SSPN: variants seen among roughly 807,000 people sequenced by gnomAD.
SSPN encodes the protein K-ras oncogene-associated protein.
SSPN carries 15 observed loss-of-function variants against 19.1 expected under a neutral mutation model. The observed-to-expected ratio is 0.78, with a 90% CI of 0.52 to 1.21. SSPN has a LOEUF of 1.21. Among genes scored for constraint, SSPN ranks in the 50% most tolerant of loss-of-function variants. SSPN has a pLI of 0.00. For missense variants in SSPN, 291 were observed against 314.0 expected, an observed-to-expected ratio of 0.93 and a Z score of 0.55; for synonymous variants, 147 against 140.3, an observed-to-expected ratio of 1.05 and a Z score of -0.34.
At chr12:26,122,340 A>T in intron 1 of SSPN, 1 of 1,123,596 alleles carries the variant, frequency 8.9e-7, no homozygotes, top group Non-Finnish European at 1.1e-6. Flanking sequence ...CGGGGCGGGG[A>T]TGCCGGGGTA....
intron 1 of SSPN, among the ~76,000 whole-genome samples, chr12:26,153,399 T>C (rs1944537477): frequency 6.6e-6 from 1 of 152,186 alleles, no homozygotes; most frequent in South Asian, 2.1e-4. Flanking sequence ...CCTATCACTG[T>C]CTAAGAGTAT....
intron 1 of SSPN, among the ~76,000 whole-genome samples, chr12:26,172,008 T>C (rs1204920023): frequency 2.0e-5 from 3 of 152,194 alleles, no homozygotes; most frequent in Admixed American, 6.5e-5. Flanking sequence ...GCCTCCTAGG[T>C]GTAGACCATA....
chr12:26,143,807 C>T (rs1296159733), intron 1 of SSPN, among the ~76,000 whole-genome samples: 1 of 152,230 alleles, frequency 6.6e-6, no homozygotes, highest in African/African-American at 2.4e-5. Context: ...TCTGTATTTA[C>T]AGCTGCTCCC....
intron 1 of SSPN, among the ~76,000 whole-genome samples, chr12:26,150,772 T>G (rs535631091): frequency 4.6e-5 from 7 of 152,026 alleles, no homozygotes; most frequent in Non-Finnish European, 7.4e-5. Context: ...AGGCTTTTGA[T>G]TTTTTTAGCC....
chr12:26,198,330 G>C (rs1006685976), intron 1 of SSPN, among the ~76,000 whole-genome samples: 1 of 152,198 alleles, frequency 6.6e-6, no homozygotes, highest in African/African-American at 2.4e-5. Flanking sequence ...CACCTAACTT[G>C]TGTGCCAAAT....
chr12:26,224,925 C>T (rs1945161866), intron 2 of SSPN, among the ~76,000 whole-genome samples: 1 of 152,062 alleles, frequency 6.6e-6, no homozygotes, highest in Non-Finnish European at 1.5e-5. Context: ...AGGGACAGTG[C>T]ATTTGGCTGG....
chr12:26,183,607 A>G (rs1465885818), intron 1 of SSPN, among the ~76,000 whole-genome samples: 2 of 152,226 alleles, frequency 1.3e-5, no homozygotes, highest in African/African-American at 2.4e-5. Context: ...TTAGAATTCA[A>G]TCTCTAGCCA....
At chr12:26,182,280 A>G (rs915563093) in intron 1 of SSPN, among the ~76,000 whole-genome samples, 2 of 152,230 alleles carry the variant, frequency 1.3e-5, no homozygotes, top group African/African-American at 2.4e-5. Flanking sequence ...AGTGGATAAC[A>G]GAAGATGAGG....
At chr12:26,161,053 A>G (rs1944585288) in intron 1 of SSPN, among the ~76,000 whole-genome samples, 2 of 146,432 alleles carry the variant, frequency 1.4e-5, no homozygotes, top group African/African-American at 2.5e-5. Flanking sequence ...GGTTGCAGTG[A>G]GCTGAGACTG....
chr12:26,128,700 A>T (rs1944380625), intron 1 of SSPN, among the ~76,000 whole-genome samples: 1 of 152,266 alleles, frequency 6.6e-6, no homozygotes, highest in Non-Finnish European at 1.5e-5. Flanking sequence ...CTGAAAGCCA[A>T]GAAGATACAA....
chr12:26,122,921 G>A (rs1306954687), intron 1 of SSPN: 1 of 1,550,042 alleles, frequency 6.5e-7, no homozygotes, highest in South Asian at 1.2e-5. Context: ...GGGCGGCCGC[G>A]GACCCGGCGG....
At chr12:26,223,022 A>C (rs1010268556) in intron 1 of SSPN, among the ~76,000 whole-genome samples, 25 of 152,092 alleles carry the variant, frequency 1.6e-4, no homozygotes, top group African/African-American at 5.3e-4. Flanking sequence ...TGATATATTG[A>C]TCTTGCTCAG....
upstream of SSPN, among the ~76,000 whole-genome samples, chr12:26,191,723 C>T (rs35453285): frequency 0.057 from 8,673 of 151,566 alleles, 334 homozygotes; most frequent in South Asian, 0.096. Context: ...CACACAAATA[C>T]ACACACAGAG....
chr12:26,122,355 A>C, intron 1 of SSPN: 6 of 1,172,378 alleles, frequency 5.1e-6, no homozygotes, highest in Non-Finnish European at 6.3e-6. Context: ...GGGGTATAGC[A>C]GCGGGAACGG....
At chr12:26,182,343 C>A (rs1445924333) in intron 1 of SSPN, among the ~76,000 whole-genome samples, 1 of 152,052 alleles carries the variant, frequency 6.6e-6, no homozygotes, top group Non-Finnish European at 1.5e-5. Context: ...GGTGATTAAT[C>A]TTTTTTAAAA....
chr12:26,161,875 G>C (rs893303025), intron 1 of SSPN, among the ~76,000 whole-genome samples: 3 of 152,158 alleles, frequency 2.0e-5, no homozygotes, highest in African/African-American at 7.2e-5. Flanking sequence ...TGCCACCACT[G>C]ATTTGACAGA....
At position 26,164,288 on chromosome 12, in the gene SSPN, G is replaced by A. The variant is rs141080283; in HGVS notation, c.-31+42136G>A. Among the ~76,000 whole-genome samples, 15 of 152,318 alleles carry A rather than the reference G, an allele frequency of 9.8e-5. No homozygotes were observed. In the East Asian group the frequency reaches 2.9e-3, roughly 29 times the overall value. ...AGGATCCTTCCCAAGAACTTATTAT[G>A]TCATATTTACAGTGTTGGGTGCTAG... On this transcript the variant is annotated intron_variant, in intron 1 of 2. Transcript: ENST00000538142.
intron 1 of SSPN, among the ~76,000 whole-genome samples, chr12:26,148,669 T>C (rs910649377): frequency 2.0e-5 from 3 of 152,212 alleles, no homozygotes; most frequent in African/African-American, 7.2e-5. Flanking sequence ...GGTGAAAACA[T>C]GAACTCTAAA....
intron 1 of SSPN, among the ~76,000 whole-genome samples, chr12:26,131,480 G>A (rs375051419): frequency 8.5e-5 from 13 of 152,344 alleles, no homozygotes; most frequent in Admixed American, 2.6e-4. Flanking sequence ...CAGGAGAAAG[G>A]CATTCTCTGA....
Sources: gnomAD v4.1 joint callset for allele counts (sites outside exome capture counted in the v4.1 genomes callset) on GRCh38, gnomAD v4.1.1 for gene constraint, MANE v1.5 for transcripts, NCBI Gene and HGNC (gene_info 2026-07-23, HGNC 2026-07-21) for gene names.